IGF2BP2: variants seen among roughly 807,000 people sequenced by gnomAD.
IGF2BP2 encodes the protein insulin-like growth factor 2 mRNA-binding protein 2.
In IGF2BP2, 17 loss-of-function variants were observed where a neutral mutation model predicts 75.8. The observed-to-expected ratio is 0.22, with a 90% CI of 0.15 to 0.34. The LOEUF (loss-of-function observed/expected upper bound fraction) is 0.34. Ranked by LOEUF, IGF2BP2 falls within the 10% of genes least tolerant of loss-of-function variation. IGF2BP2 has a pLI of 1.00. For synonymous variants in IGF2BP2, 288 were observed against 295.6 expected (o/e 0.97, Z 0.26); for missense variants, 516 against 772.4 (o/e 0.67, Z 3.93).
chr3:185,666,001 C>CATAG (rs57817338), intron 10 of IGF2BP2, among the ~76,000 whole-genome samples: 12,115 of 145,296 alleles, frequency 0.083, 522 homozygotes, highest in African/African-American at 0.11. Context: ...TAGATAGGTA[C>CATAG]ATAGATAGAT....
At chr3:185,757,555 C>T (rs1419975355) in intron 2 of IGF2BP2, among the ~76,000 whole-genome samples, 1 of 148,900 alleles carries the variant, frequency 6.7e-6, no homozygotes, top group Non-Finnish European at 1.5e-5. Flanking sequence ...GCCCTGACTT[C>T]CCGGGTTCAG....
chr3:185,681,337 T>C (rs1276331683), intron 7 of IGF2BP2, among the ~76,000 whole-genome samples: 1 of 152,076 alleles, frequency 6.6e-6, no homozygotes, highest in African/African-American at 2.4e-5. Context: ...CCACTTACAA[T>C]AGCATCAAAA....
At chr3:185,790,147 T>C (rs1477683918) in intron 2 of IGF2BP2, among the ~76,000 whole-genome samples, 1 of 152,164 alleles carries the variant, frequency 6.6e-6, no homozygotes, top group Non-Finnish European at 1.5e-5. Context: ...CCTGGACTGC[T>C]TCCTCGTCCT....
At chr3:185,813,290 T>C (rs568619504) in intron 2 of IGF2BP2, among the ~76,000 whole-genome samples, 8 of 152,360 alleles carry the variant, frequency 5.3e-5, no homozygotes, top group African/African-American at 1.9e-4. Context: ...AAGCAACTAG[T>C]ATCTTGTTCT....
intron 2 of IGF2BP2, among the ~76,000 whole-genome samples, chr3:185,770,071 CT>C (rs1733674441): frequency 6.6e-6 from 1 of 152,152 alleles, no homozygotes; most frequent in Non-Finnish European, 1.5e-5. Flanking sequence ...CTGGGAACCC[CT>C]GGAAGGGAAA....
Position 185,774,390 on chromosome 3 carries a change from T to C in IGF2BP2, c.239+48763A>G, listed in dbSNP as rs1378224519. ...GTGGGCGGATCACGAGGTCAGGAGA[T>C]AGAGACCATCTTGACTAACACATTG... is the stretch of plus-strand genomic sequence containing the variant. On this transcript the variant is annotated intron_variant, in intron 2 of 15. Transcript: ENST00000382199. Among the ~76,000 whole-genome samples the C allele has an allele frequency of 2.0e-5, 3 of 150,190 alleles. No homozygotes were observed. The East Asian group carries it at 6.0e-4, about 30-fold the overall frequency.
At chr3:185,743,407 C>G (rs898390079) in intron 2 of IGF2BP2, among the ~76,000 whole-genome samples, 1 of 152,096 alleles carries the variant, frequency 6.6e-6, no homozygotes, top group Non-Finnish European at 1.5e-5. Flanking sequence ...TCCAGACCAG[C>G]TGGGATTACA....
At chr3:185,659,933 T>C (rs1348724993) in intron 10 of IGF2BP2, among the ~76,000 whole-genome samples, 2 of 152,114 alleles carry the variant, frequency 1.3e-5, no homozygotes, top group Admixed American at 6.6e-5. Flanking sequence ...TAGCTGGGAT[T>C]ACAGGCATGT....
At chr3:185,765,196 C>T (rs1249893145) in intron 2 of IGF2BP2, among the ~76,000 whole-genome samples, 2 of 152,152 alleles carry the variant, frequency 1.3e-5, no homozygotes, top group Non-Finnish European at 2.9e-5. Flanking sequence ...AAAGCTCTGG[C>T]GTGTTTTAAC....
At chr3:185,688,483 C>T (rs1721458895) in intron 6 of IGF2BP2, among the ~76,000 whole-genome samples, 1 of 152,206 alleles carries the variant, frequency 6.6e-6, no homozygotes, top group Non-Finnish European at 1.5e-5. Flanking sequence ...GCTGGGATTA[C>T]AGGCGTGAGC....
At chr3:185,751,043 C>T (rs746562574) in intron 2 of IGF2BP2, among the ~76,000 whole-genome samples, 8 of 151,960 alleles carry the variant, frequency 5.3e-5, no homozygotes, top group Non-Finnish European at 8.8e-5. Context: ...ATAGTGAAAC[C>T]TCGTCTCTAT....
chr3:185,645,331 A>G lies in IGF2BP2; in HGVS notation c.*200T>C, dbSNP rs1713324315. ...AGGCGGGGCTCGGTGGTTCTGGCAA[A>G]CCTGGCTGACCTTCCCCGCCCCTCC... is the stretch of plus-strand genomic sequence containing the variant. On this transcript the variant is annotated 3_prime_UTR_variant, in exon 16 of 16. Transcript: ENST00000382199. This position sits in a 1 kb window ranked among gnomAD's most constrained non-coding sequence, Gnocchi z 4.9. 3.5e-6 allele frequency: 2 copies of G among 569,648 alleles called. No homozygotes were observed. The highest frequency in any genetic ancestry group is 3.1e-6 in the Non-Finnish European group (1 of 318,600). 35.3% of individuals were successfully genotyped at this position (569,648 alleles called of 1,614,324 possible).
rs555813227 is a variant in IGF2BP2, at chr3:185,787,505, G to A, written c.239+35648C>T. 1.9e-3 allele frequency among the ~76,000 whole-genome samples: 290 copies of A among 152,322 alleles called. 2 individuals are homozygous for A. Among genetic ancestry groups the A allele is most frequent in the East Asian group, 3.5e-3 (18 of 5,190 alleles). The stretch of plus-strand genomic sequence containing the variant: ...CCCTGCACTTTGGGAGGCCGAGGTG[G>A]GCAGATCACTTGAGGTCAGGAGTTC... On this transcript the variant is annotated intron_variant, in intron 2 of 15. Transcript: ENST00000382199.
rs1722600937 is a variant in IGF2BP2, at chr3:185,696,512, G to A, written c.340+100C>T. 1.7e-5 allele frequency: 17 copies of A among 997,684 alleles called. No individual in the cohort carries two copies. The South Asian group carries it at 2.3e-4, about 14-fold the overall frequency. 61.8% of individuals were successfully genotyped at this position (997,684 alleles called of 1,614,324 possible). A position where few individuals can be genotyped will look rare whatever the true frequency, so the allele number is the denominator to read the frequency against. ...TATACTCTAGGAAGCTTATTTCAAAGAAATATGAACTTACTATTTCTCCCT... is the reference window on the plus strand; with the variant it reads ...TATACTCTAGGAAGCTTATTTCAAAAAAATATGAACTTACTATTTCTCCCT... On this transcript the variant is annotated intron_variant, in intron 4 of 15. Coordinates refer to ENST00000382199, the MANE Select transcript of IGF2BP2 (RefSeq NM_006548.6).
At chr3:185,669,574 A>AAG (rs1322137606) in intron 10 of IGF2BP2, among the ~76,000 whole-genome samples, 150 of 124,460 alleles carry the variant, frequency 1.2e-3, no homozygotes, top group African/African-American at 4.1e-3. Context: ...AAAAAAAAAA[A>AAG]GGGGGGGGGG....
intron 10 of IGF2BP2, among the ~76,000 whole-genome samples, chr3:185,659,835 A>G (rs914874286): frequency 6.8e-6 from 1 of 146,788 alleles, no homozygotes; most frequent in Admixed American, 6.8e-5. Flanking sequence ...TCACTCGTTG[A>G]CTAGGCTGGA....
At position 185,644,576 on chromosome 3, in the gene IGF2BP2, GCA is replaced by G. The variant is rs1292950116; in HGVS notation, c.*953_*954del. 7 of 113,250 alleles carry G rather than the reference GCA, an allele frequency of 6.2e-5. No homozygotes were observed. The highest frequency in any genetic ancestry group is 1.8e-5 in the Non-Finnish European group (1 of 56,090). 7.0% of individuals were successfully genotyped at this position (113,250 alleles called of 1,614,324 possible). A position where few individuals can be genotyped will look rare whatever the true frequency, so the allele number is the denominator to read the frequency against. On this transcript the variant is annotated 3_prime_UTR_variant, in exon 16 of 16. Coordinates refer to ENST00000382199, the MANE Select transcript of IGF2BP2 (RefSeq NM_006548.6). ...CCTTTTGTGTGATGTGATACTCAGAGCACTGCTTTGCCTGGGGGGGGGGGGGT... is the reference window on the plus strand; with the variant it reads ...CCTTTTGTGTGATGTGATACTCAGAGCTGCTTTGCCTGGGGGGGGGGGGGT...
chr3:185,742,184 C>CT, intron 2 of IGF2BP2, among the ~76,000 whole-genome samples: 1 of 115,584 alleles, frequency 8.7e-6, no homozygotes, highest in Non-Finnish European at 1.7e-5. Context: ...GAGCCCACCT[C>CT]TTAAAAAAAA....
At chr3:185,798,536 G>A (rs535340257) in intron 2 of IGF2BP2, among the ~76,000 whole-genome samples, 176 of 152,244 alleles carry the variant, frequency 1.2e-3, no homozygotes, top group African/African-American at 4.0e-3. Context: ...AAATGACTAT[G>A]GAGGTTTGTA....
Sources: gnomAD v4.1 joint callset for allele counts (sites outside exome capture counted in the v4.1 genomes callset) on GRCh38, gnomAD v4.1.1 for gene constraint, Gnocchi (gnomAD v3.1) non-coding constraint, MANE v1.5 for transcripts, NCBI Gene and HGNC (gene_info 2026-07-23, HGNC 2026-07-21) for gene names.